Variants in CLNK observed in about 807,000 individuals in gnomAD.
CLNK encodes cytokine-dependent hematopoietic cell linker.
CLNK carries 74 observed loss-of-function variants against 68.6 expected under a neutral mutation model. The observed-to-expected ratio is 1.08, with a 90% confidence interval of 0.89 to 1.31. The LOEUF (loss-of-function observed/expected upper bound fraction) is 1.31, where lower values mean the gene tolerates loss of function less well. Among genes scored for constraint, CLNK ranks in the 50% most tolerant of loss-of-function variants. The pLI, the probability that CLNK is intolerant of heterozygous loss-of-function variation, is 0.00. For missense variants in CLNK, 553 were observed against 515.3 expected (o/e 1.07, Z -0.71); for synonymous variants, 198 against 172.2 (o/e 1.15, Z -1.17).
chr4:10,521,338 GACAA>G (rs367618158), intron 14 of CLNK, among the ~76,000 whole-genome samples: 12 of 152,142 alleles, frequency 7.9e-5, no homozygotes, highest in African/African-American at 2.2e-4. Flanking sequence ...AAAACTATAA[GACAA>G]ACAAAATAAC....
chr4:10,702,038 G>A, the CLNK span, among the ~76,000 whole-genome samples: 1 of 152,200 alleles, frequency 6.6e-6, no homozygotes, highest in Admixed American at 6.5e-5. Flanking sequence ...CAAGAGGTGA[G>A]GCTAGACAGG....
At chr4:10,495,350 C>T (rs374436789) in intron 18 of CLNK, among the ~76,000 whole-genome samples, 1 of 152,188 alleles carries the variant, frequency 6.6e-6, no homozygotes, top group Non-Finnish European at 1.5e-5. Flanking sequence ...CAGGTGCCTC[C>T]TTGGCTGGCT....
intron 7 of CLNK, among the ~76,000 whole-genome samples, chr4:10,561,301 C>T (rs1236728147): frequency 6.6e-6 from 1 of 152,148 alleles, no homozygotes; most frequent in African/African-American, 2.4e-5. Context: ...TTTTTCCTCA[C>T]ATAATTTCAT....
intron 3 of CLNK, 149 bp from the exon 4 acceptor site, chr4:10,585,104 C>G (rs1036381753): frequency 2.7e-5 from 17 of 631,366 alleles, no homozygotes; most frequent in Non-Finnish European, 4.8e-5. Flanking sequence ...CCTGAAGTCA[C>G]ATATTATTCT....
chr4:10,676,505 T>C (rs963785942), intron 1 of CLNK, among the ~76,000 whole-genome samples: 4 of 151,850 alleles, frequency 2.6e-5, no homozygotes, highest in African/African-American at 9.7e-5. Flanking sequence ...GTAACTTCCC[T>C]TGAGTATCTC....
chr4:10,706,842 C>G, the CLNK span, among the ~76,000 whole-genome samples: 45 of 152,200 alleles, frequency 3.0e-4, no homozygotes, highest in African/African-American at 9.4e-4. Context: ...AAAGGACCAC[C>G]CTCTTGGCCA....
chr4:10,640,360 T>G (rs1723264154), intron 2 of CLNK, among the ~76,000 whole-genome samples: 1 of 152,192 alleles, frequency 6.6e-6, no homozygotes, highest in African/African-American at 2.4e-5. Context: ...AGGCAGGGGT[T>G]TCGCCATTTT....
chr4:10,733,088 G>T, the CLNK span, among the ~76,000 whole-genome samples: 1 of 151,976 alleles, frequency 6.6e-6, no homozygotes, highest in African/African-American at 2.4e-5. Context: ...CCCCCTTTCG[G>T]TTATAGCTGT....
At chr4:10,644,308 G>T (rs972434479) in intron 2 of CLNK, among the ~76,000 whole-genome samples, 1 of 152,182 alleles carries the variant, frequency 6.6e-6, no homozygotes, top group Non-Finnish European at 1.5e-5. Flanking sequence ...AGCAATGACT[G>T]CTCATATTTA....
chr4:10,732,578 C>T, the CLNK span, among the ~76,000 whole-genome samples: 5 of 152,052 alleles, frequency 3.3e-5, no homozygotes, highest in African/African-American at 4.8e-5. Context: ...GGGGACTAGC[C>T]TTTTACATTC....
At chr4:10,510,042 G>A (rs1364541192) in intron 16 of CLNK, among the ~76,000 whole-genome samples, 2 of 152,182 alleles carry the variant, frequency 1.3e-5, no homozygotes, top group East Asian at 3.9e-4. Flanking sequence ...CCAGTCCAGG[G>A]ACTTGGAAGA....
At chr4:10,498,940 TCAAA>T (rs1249774368) in intron 18 of CLNK, among the ~76,000 whole-genome samples, 1 of 152,190 alleles carries the variant, frequency 6.6e-6, no homozygotes, top group African/African-American at 2.4e-5. Context: ...AATAATCCGA[TCAAA>T]CTTTTATTCT....
upstream of CLNK, among the ~76,000 whole-genome samples, chr4:10,686,685 T>C (rs1280655141): frequency 6.7e-6 from 1 of 149,006 alleles, no homozygotes; most frequent in African/African-American, 2.5e-5. Context: ...TCAGAGTAAA[T>C]GTGGGAGAAG....
intron 10 of CLNK, among the ~76,000 whole-genome samples, chr4:10,541,395 C>G (rs1243140333): frequency 6.6e-6 from 1 of 151,814 alleles, no homozygotes; most frequent in Non-Finnish European, 1.5e-5. Context: ...CAAGCTGCTT[C>G]CCTCTAGCAG....
intron 2 of CLNK, among the ~76,000 whole-genome samples, chr4:10,606,376 G>A (rs1721791984): frequency 6.6e-6 from 1 of 151,782 alleles, no homozygotes; most frequent in Non-Finnish European, 1.5e-5. Context: ...TGATATCAAT[G>A]CCTTCTTCCG....
At chr4:10,575,943 A>T (rs1720545672) in intron 4 of CLNK, among the ~76,000 whole-genome samples, 1 of 152,194 alleles carries the variant, frequency 6.6e-6, no homozygotes, top group African/African-American at 2.4e-5. Context: ...GCATCTAGGA[A>T]CAAAGCCAAC....
chr4:10,575,468 G>C (rs1016459174), intron 4 of CLNK, among the ~76,000 whole-genome samples: 5 of 152,380 alleles, frequency 3.3e-5, no homozygotes, highest in Non-Finnish European at 7.3e-5. Context: ...AAAAATTAAA[G>C]AGCGCCTCTC....
At chr4:10,535,211 A>AAGAGAAAG in intron 11 of CLNK, among the ~76,000 whole-genome samples, 1 of 62,664 alleles carries the variant, frequency 1.6e-5, no homozygotes, top group East Asian at 5.4e-4. Flanking sequence ...GAAAGAAAGA[A>AAGAGAAAG]AGAGAAAGAA....
intron 2 of CLNK, among the ~76,000 whole-genome samples, chr4:10,619,488 A>G (rs1177566155): frequency 6.6e-6 from 1 of 152,144 alleles, no homozygotes. Flanking sequence ...ATCCCTCCCA[A>G]AGCACCTTGG....
Sources: gnomAD v4.1 joint callset for allele counts (sites outside exome capture counted in the v4.1 genomes callset) on GRCh38, gnomAD v4.1.1 for gene constraint, MANE v1.5 for transcripts, NCBI Gene and HGNC (gene_info 2026-07-23, HGNC 2026-07-21) for gene names.